Variants in PBX3 observed in about 807,000 individuals in gnomAD.
The protein encoded by PBX3 is PBX homeobox 3.
In PBX3, 14 loss-of-function variants were observed where a neutral mutation model predicts 48.5. The observed-to-expected ratio is 0.29, with a 90% CI of 0.19 to 0.45. The LOEUF (loss-of-function observed/expected upper bound fraction) is 0.45, where lower values mean the gene tolerates loss of function less well. PBX3 is among the 20% of genes least tolerant of loss of function. PBX3 has a pLI of 1.00. For synonymous variants in PBX3, 210 were observed against 200.3 expected, an observed-to-expected ratio of 1.05 and a Z score of -0.41; for missense variants, 386 against 546.7, an observed-to-expected ratio of 0.71 and a Z score of 2.93.
rs559427551 is a variant in PBX3, at chr9:125,825,287, C to CA, written c.274+76673dup. On this transcript the variant is annotated intron_variant, in intron 2 of 8. Coordinates refer to ENST00000373489, the MANE Select transcript of PBX3 (RefSeq NM_006195.6). ...CAACAAAGTGAGACTCTGTCCCCCG[C>CA]AAAAAAAAACAATTATTGAGAACCT... is the stretch of plus-strand genomic sequence containing the variant. Among the ~76,000 whole-genome samples the CA allele has an allele frequency of 5.7e-4, 82 of 144,806 alleles. 1 individual carries two copies. The South Asian group carries it at 9.9e-3, about 17-fold the overall frequency. 95.0% of individuals were successfully genotyped at this position (144,806 alleles called of 152,430 possible).
At chr9:125,791,829 G>A (rs1220564289) in intron 2 of PBX3, among the ~76,000 whole-genome samples, 1 of 151,870 alleles carries the variant, frequency 6.6e-6, no homozygotes, top group African/African-American at 2.4e-5. Flanking sequence ...CCAGCTACTC[G>A]GGAGGCTGAG....
intron 2 of PBX3, among the ~76,000 whole-genome samples, chr9:125,810,950 T>A (rs778053324): frequency 4.6e-5 from 7 of 152,128 alleles, no homozygotes; most frequent in Non-Finnish European, 1.0e-4. Context: ...AGGATTTGGT[T>A]ATTATTCCAG....
chr9:125,930,759 A>C (rs1465923989), intron 4 of PBX3, among the ~76,000 whole-genome samples: 1 of 152,158 alleles, frequency 6.6e-6, no homozygotes, highest in African/African-American at 2.4e-5. Flanking sequence ...CACAGTACCT[A>C]CTAGTCTCCC....
chr9:125,776,489 T>A (rs531138177), intron 2 of PBX3, among the ~76,000 whole-genome samples: 1 of 152,318 alleles, frequency 6.6e-6, no homozygotes, highest in South Asian at 2.1e-4. Flanking sequence ...AATATATTGG[T>A]CTATAGTTTT....
intron 2 of PBX3, among the ~76,000 whole-genome samples, chr9:125,754,442 A>G (rs73667051): frequency 0.027 from 4,062 of 152,168 alleles, 214 homozygotes; most frequent in African/African-American, 0.092. Flanking sequence ...AGTTTTTCAG[A>G]ACTAGCTATC....
intron 2 of PBX3, among the ~76,000 whole-genome samples, chr9:125,765,024 T>G (rs950762218): frequency 6.6e-6 from 1 of 152,208 alleles, no homozygotes; most frequent in East Asian, 1.9e-4. Context: ...TTTTTAATTT[T>G]ATAAACTTTG....
intron 2 of PBX3, among the ~76,000 whole-genome samples, chr9:125,857,722 A>G (rs1839759221): frequency 6.6e-6 from 1 of 152,220 alleles, no homozygotes; most frequent in Non-Finnish European, 1.5e-5. Flanking sequence ...ATATAGCTAT[A>G]ACATGTTCAT....
Position 125,747,653 on chromosome 9 carries a change from A to G in PBX3, c.200A>G (p.Lys67Arg). The change falls in exon 1 of 9, where the codon AAG becomes AGG. Residue 67 changes from lysine to arginine, a missense_variant and splice_region_variant. Lys to Arg is a conservative substitution (Grantham distance 26, BLOSUM62 2). Coordinates refer to ENST00000373489, the MANE Select transcript of PBX3 (RefSeq NM_006195.6). ...TDQSLDEAQA[K>R]KHALNCHRMK... ...CAGAGCTTGGACGAGGCGCAAGCAA[A>G]GTTGGTGTCGTCTCATTAAGCATCT... 6.3e-7 allele frequency: 1 copy of G among 1,589,968 alleles called. No individual in the cohort carries two copies. The highest frequency in any genetic ancestry group is 8.6e-7 in the Non-Finnish European group (1 of 1,168,680).
At chr9:125,872,508 G>A (rs1564149787) in intron 2 of PBX3, among the ~76,000 whole-genome samples, 1 of 152,260 alleles carries the variant, frequency 6.6e-6, no homozygotes, top group Non-Finnish European at 1.5e-5. Flanking sequence ...AAGGCAAAAA[G>A]CATTTCTAGG....
intron 2 of PBX3, among the ~76,000 whole-genome samples, chr9:125,876,474 T>C (rs1840250316): frequency 6.6e-6 from 1 of 152,224 alleles, no homozygotes; most frequent in Non-Finnish European, 1.5e-5. Flanking sequence ...ACCTTTGTGA[T>C]GATCTACTTC....
chr9:125,897,141 G>GTTTTTTT (rs371641194), intron 2 of PBX3, among the ~76,000 whole-genome samples: 16 of 108,892 alleles, frequency 1.5e-4, no homozygotes, highest in South Asian at 6.2e-4. Flanking sequence ...TTCATTTGTG[G>GTTTTTTT]TTTTTTTTTT....
At chr9:125,836,889 G>A (rs777770965) in intron 2 of PBX3, among the ~76,000 whole-genome samples, 2 of 152,160 alleles carry the variant, frequency 1.3e-5, no homozygotes, top group African/African-American at 2.4e-5. Context: ...TGATAACAGT[G>A]TGATAGAGAA....
At chr9:125,857,333 T>C (rs1352286650) in intron 2 of PBX3, among the ~76,000 whole-genome samples, 1 of 152,140 alleles carries the variant, frequency 6.6e-6, no homozygotes, top group Non-Finnish European at 1.5e-5. Flanking sequence ...GAGCATTTTG[T>C]TTGAGGGTCA....
chr9:125,822,859 T>C (rs1192198124), intron 2 of PBX3, among the ~76,000 whole-genome samples: 1 of 152,136 alleles, frequency 6.6e-6, no homozygotes, highest in Non-Finnish European at 1.5e-5. Flanking sequence ...CTTAATTCAG[T>C]ACTTCATACT....
chr9:125,956,378 T>G (rs7874469), intron 5 of PBX3, among the ~76,000 whole-genome samples: 5,990 of 152,284 alleles, frequency 0.039, 419 homozygotes, highest in African/African-American at 0.14. Flanking sequence ...AAAAGCTTTT[T>G]GAAGAAGGTA....
chr9:125,764,518 C>T (rs181865103), intron 2 of PBX3, among the ~76,000 whole-genome samples: 18 of 152,182 alleles, frequency 1.2e-4, no homozygotes, highest in African/African-American at 3.9e-4. Flanking sequence ...ATTTTGCTAA[C>T]GGATAAAAGC....
chr9:125,819,918 A>G (rs1271248536), intron 2 of PBX3, among the ~76,000 whole-genome samples: 2 of 152,050 alleles, frequency 1.3e-5, no homozygotes, highest in Non-Finnish European at 2.9e-5. Context: ...TCTTTTTTGT[A>G]TTTCCCATGT....
intron 4 of PBX3, among the ~76,000 whole-genome samples, chr9:125,934,834 T>C (rs1841799146): frequency 6.6e-6 from 1 of 152,220 alleles, no homozygotes; most frequent in Non-Finnish European, 1.5e-5. Context: ...TGTGCCAAGT[T>C]ACTATCATCT....
intron 2 of PBX3, among the ~76,000 whole-genome samples, chr9:125,812,905 A>G (rs34553370): frequency 1.4e-3 from 210 of 152,340 alleles, no homozygotes; most frequent in Non-Finnish European, 2.5e-3. Context: ...AAAACATGGT[A>G]TAGCTGTATA....
Sources: allele counts gnomAD v4.1 joint callset (sites outside exome capture counted in the v4.1 genomes callset), GRCh38; gene constraint gnomAD v4.1.1; transcripts MANE v1.5; gene names NCBI Gene and HGNC (gene_info 2026-07-23, HGNC 2026-07-21).